Variants in PKD1 observed in about 807,000 individuals in gnomAD.
PKD1 encodes polycystin-1.
A neutral mutation model predicts 361.7 loss-of-function variants in PKD1; 81 were observed. The ratio of observed to expected loss-of-function variants is 0.22; its 90% confidence interval spans 0.19 to 0.27. The LOEUF is 0.27. Ranked by LOEUF, PKD1 falls within the 10% of genes least tolerant of loss-of-function variation. PKD1 has a pLI of 1.00. For missense variants in PKD1, 6,399 were observed against 6,118.3 expected, an observed-to-expected ratio of 1.05 and a Z score of -1.53; for synonymous variants, 3,615 against 2,818.3, an observed-to-expected ratio of 1.28 and a Z score of -8.95.
intron 1 of PKD1, among the ~76,000 whole-genome samples, chr16:2,124,778 C>G (rs968661856): frequency 9.8e-5 from 15 of 152,344 alleles, no homozygotes; most frequent in African/African-American, 3.4e-4. Context: ...CGCTGGCCGC[C>G]TCACTGGAAA....
Position 2,094,135 on chromosome 16 carries a change from G to T in PKD1, c.10575C>A (p.Gly3525=). ...RLGELGPPSP[G]LNWEQPQAAR... ...CTGCCTGGGGCTGTTCCCAGTTCAG[G>T]CCTGGGCTGGGTGGCCCCAGCTCCC... The change falls in exon 35 of 46, where the codon GGC becomes GGA. Residue 3525 remains glycine (G), a synonymous_variant. Coordinates refer to ENST00000262304, the MANE Select transcript of PKD1 (RefSeq NM_001009944.3). 6.3e-7 allele frequency: 1 copy of T among 1,596,680 alleles called. No individual in the cohort carries two copies. The highest frequency in any genetic ancestry group is 8.5e-7 in the Non-Finnish European group (1 of 1,171,686).
rs2091363958 is a variant in PKD1 at position 2,089,638 on chromosome 16, T to A, written c.*89A>T. ...CTGGGGAACCTACGTGCAGCCATTCTGCCTGGCCCTCGGCCTTGACAGCGG... is the reference window on the plus strand; with the variant it reads ...CTGGGGAACCTACGTGCAGCCATTCAGCCTGGCCCTCGGCCTTGACAGCGG... On this transcript the variant is annotated 3_prime_UTR_variant, in exon 46 of 46. Transcript: ENST00000262304. 1.4e-6 allele frequency: 2 copies of A among 1,478,924 alleles called. No individual in the cohort carries two copies. Among genetic ancestry groups the A allele is most frequent in the African/African-American group, 1.4e-5 (1 of 71,730 alleles). The allele number at this position is 1,478,924 out of a possible 1,614,324, so 91.6% of individuals were successfully genotyped here.
intron 1 of PKD1, among the ~76,000 whole-genome samples, chr16:2,124,479 G>A (rs951417532): frequency 3.3e-5 from 5 of 152,258 alleles, no homozygotes; most frequent in African/African-American, 9.6e-5. Flanking sequence ...AGGCGCTCCT[G>A]GGCCGGGGGA....
chr16:2,114,241 C>T lies in PKD1; in HGVS notation c.2782G>A (p.Ala928Thr). The change falls in exon 11 of 46, where the codon GCG (alanine) becomes ACG (threonine). Residue 928 changes from alanine (A) to threonine (T), a missense_variant. By Grantham distance (58) the Ala-to-Thr change is moderately conservative. Transcript: ENST00000262304. Reference sequence around the variant, plus strand: ...CGGAGGCCACAGATGGGCTCCTCCGCCGTCACCCGCAGGCTGAGGTTGGCC... The same window carrying T: ...CGGAGGCCACAGATGGGCTCCTCCGTCGTCACCCGCAGGCTGAGGTTGGCC... ...SRANLSLRVT[A>T]EEPICGLRAT... is the part of the protein sequence containing the mutation. 5 of 1,610,210 alleles carry T rather than the reference C, an allele frequency of 3.1e-6. No individual in the cohort carries two copies. Among genetic ancestry groups the T allele is most frequent in the Non-Finnish European group, 4.2e-6 (5 of 1,179,530 alleles).
chr16:2,089,887 C>T lies in PKD1; in HGVS notation c.12752G>A (p.Ser4251Asn), dbSNP rs1437510327. The T allele has an allele frequency of 6.2e-7, 1 of 1,610,920 alleles. No homozygotes were observed. Among genetic ancestry groups the T allele is most frequent in the Non-Finnish European group, 8.5e-7 (1 of 1,179,348 alleles). The change falls in exon 46 of 46, where the codon AGC (serine) becomes AAC (asparagine). Residue 4251 changes from serine (S) to asparagine (N), a missense_variant. By Grantham distance (46) the Ser-to-Asn change is conservative. Transcript: ENST00000262304. ...GGAAGATCCGGCGGGCGCCCGGCTGCTCCTGCGGCCTTGCAGGCTGTGCAG... is the reference window on the plus strand; with the variant it reads ...GGAAGATCCGGCGGGCGCCCGGCTGTTCCTGCGGCCTTGCAGGCTGTGCAG... The part of the protein sequence containing the change: ...QQLHSLQGRR[S>N]SRAPAGSSRG...
chr16:2,135,761 G>A lies in PKD1; in HGVS notation c.-72C>T. 1 of 958,520 alleles carries A rather than the reference G, an allele frequency of 1.0e-6. No individual in the cohort carries two copies. Among genetic ancestry groups the A allele is most frequent in the Non-Finnish European group, 1.2e-6 (1 of 808,382 alleles). 59.4% of individuals were successfully genotyped at this position (958,520 alleles called of 1,614,324 possible). A position where few individuals can be genotyped will look rare whatever the true frequency, so the allele number is the denominator to read the frequency against. ...CGCGCGGAGGCCGCAGCTCAGGCGG[G>A]GCCCGCGGACGGCATGGCGGGCGCG... On this transcript the variant is annotated 5_prime_UTR_variant, in exon 1 of 46. Transcript: ENST00000262304.
intron 1 of PKD1, among the ~76,000 whole-genome samples, chr16:2,120,594 C>T (rs2092705259): frequency 6.6e-6 from 1 of 152,108 alleles, no homozygotes; most frequent in Non-Finnish European, 1.5e-5. Context: ...TCCAGCTACT[C>T]GGGGGGCTGA....
Position 2,107,910 on chromosome 16 carries a change from G to A in PKD1, c.7038C>T (p.Gly2346=). Residue 2346 remains glycine (G), a synonymous_variant, in exon 16 of 46, where the codon GGC becomes GGT. Transcript: ENST00000262304. ...TCTGGTTGGTGGCCTCCTCCTTGCG[G>A]CCGGCCTTCCACACGGTCAGGCTGA... ...YTFSLTVWKA[G]RKEEATNQTV... is the part of the protein sequence containing the mutation. 6.5e-7 allele frequency: 1 copy of A among 1,545,174 alleles called. No individual in the cohort carries two copies. Among genetic ancestry groups the A allele is most frequent in the South Asian group, 1.2e-5 (1 of 83,974 alleles).
rs1287282730 is a variant in PKD1 at position 2,110,917 on chromosome 16, C to T, written c.4250G>A (p.Gly1417Asp). ...PFPYRYTWDF[G>D]TEEAAPTRAR... The stretch of plus-strand genomic sequence containing the variant: ...ACGGGTGGGGGCGGCTTCCTCGGTG[C>T]CAAAGTCCCAGGTGTAGCGGTAGGG... Residue 1417 changes from glycine (G) to aspartate (D), a missense_variant, in exon 15 of 46, where the codon GGC becomes GAC. Gly to Asp is a moderately conservative substitution (Grantham distance 94, BLOSUM62 -1). Coordinates refer to ENST00000262304, the MANE Select transcript of PKD1 (RefSeq NM_001009944.3). The T allele has an allele frequency of 6.2e-7, 1 of 1,611,282 alleles. No individual in the cohort carries two copies. The highest frequency in any genetic ancestry group is 2.2e-5 in the East Asian group (1 of 44,882).
intron 13 of PKD1, 53 bp downstream of exon 13, chr16:2,112,735 G>T (rs150105509): frequency 2.6e-6 from 4 of 1,565,992 alleles, no homozygotes; most frequent in Middle Eastern, 4.6e-4. Context: ...GCTGAGGCTG[G>T]GGCTGGGACA....
rs899401002 is a variant in PKD1, at chr16:2,092,721, G to A, written c.11157-129C>T. 3 of 849,770 alleles carry A rather than the reference G, an allele frequency of 3.5e-6. No homozygotes were observed. The South Asian group carries it at 4.3e-5, about 12-fold the overall frequency. The allele number at this position is 849,770 out of a possible 1,614,324, so 52.6% of individuals were successfully genotyped here. On this transcript the variant is annotated intron_variant, in intron 38 of 45. Transcript: ENST00000262304. Reference sequence around the variant, plus strand: ...GCCACGGCTAGACCTGGGCTTCTCAGCCTTATCCTGGGGATGTTCTGGGGC... The same window carrying A: ...GCCACGGCTAGACCTGGGCTTCTCAACCTTATCCTGGGGATGTTCTGGGGC...
At chr16:2,124,763 G>A (rs1218553010) in intron 1 of PKD1, among the ~76,000 whole-genome samples, 8 of 152,236 alleles carry the variant, frequency 5.3e-5, no homozygotes, top group East Asian at 1.9e-4. Flanking sequence ...CGGCACCCCC[G>A]CCCGCGCTGG....
At position 2,102,620 on chromosome 16, in the gene PKD1, C is replaced by G. The variant is rs147178192; in HGVS notation, c.8962G>C (p.Ala2988Pro). ...GAGAGGTTCAGATGGTAACTCCCCGCTGGGTCTCTGCTCCTGGGCAGGGAA... is the reference window on the plus strand; with the variant it reads ...GAGAGGTTCAGATGGTAACTCCCCGGTGGGTCTCTGCTCCTGGGCAGGGAA... The part of the protein sequence containing the change: ...FFISPGSRDP[A>P]GSYHLNLSSH... The change falls in exon 25 of 46, where the codon GCG (alanine) becomes CCG (proline). Residue 2988 changes from alanine (A) to proline (P), a missense_variant. Ala to Pro is a conservative substitution (Grantham distance 27). Transcript: ENST00000262304. 1 of 1,610,922 alleles carries G rather than the reference C, an allele frequency of 6.2e-7. No homozygotes were observed. Among genetic ancestry groups the G allele is most frequent in the Non-Finnish European group, 8.5e-7 (1 of 1,179,810 alleles).
chr16:2,113,650 C>T (rs2092576241), intron 11 of PKD1: 1 of 412,090 alleles, frequency 2.4e-6, no homozygotes, highest in Non-Finnish European at 4.5e-6. Flanking sequence ...TGAGGGGAGG[C>T]ACCTACACTG....
Position 2,089,935 on chromosome 16 carries a change from T to G in PKD1, c.12704A>C (p.Asp4235Ala). 6.2e-7 allele frequency: 1 copy of G among 1,612,212 alleles called. No homozygotes were observed. The highest frequency in any genetic ancestry group is 8.5e-7 in the Non-Finnish European group (1 of 1,179,768). The change falls in exon 46 of 46, where the codon GAC becomes GCC. Residue 4235 changes from aspartate (D) to alanine (A), a missense_variant. Coordinates refer to ENST00000262304, the MANE Select transcript of PKD1 (RefSeq NM_001009944.3). ...CAGCTGCTGCTCCAGCTGGTAGACGTCCTCTGTGGCCTGGTTGAGTCGGTC... is the reference window on the plus strand; with the variant it reads ...CAGCTGCTGCTCCAGCTGGTAGACGGCCTCTGTGGCCTGGTTGAGTCGGTC... ...QFDRLNQATE[D>A]VYQLEQQLHS...
chr16:2,095,468 A>G (rs978670192), intron 34 of PKD1: 4 of 152,218 alleles, frequency 2.6e-5, no homozygotes, highest in African/African-American at 9.6e-5. Flanking sequence ...TAGCAACACA[A>G]ATGACTCAGG....
At chr16:2,126,568 G>A (rs1242140755) in intron 1 of PKD1, among the ~76,000 whole-genome samples, 4 of 152,286 alleles carry the variant, frequency 2.6e-5, no homozygotes, top group African/African-American at 4.8e-5. Context: ...TTTTCCAGCT[G>A]CGCTCACTCT....
Position 2,108,280 on chromosome 16 carries a change from A to C in PKD1, c.6887T>G (p.Phe2296Cys). Reference sequence around the variant, plus strand: ...TGTCGAAGCCACACAGGCCCAGTGGAAACTGAGCGGCGTCTGGTCGCCGTC... The same window carrying C: ...TGTCGAAGCCACACAGGCCCAGTGGCAACTGAGCGGCGTCTGGTCGCCGTC... Reference protein sequence around the residue: ...LEDGDQTPLSFHWACVASTQR... With the variant: ...LEDGDQTPLSCHWACVASTQR... The change falls in exon 15 of 46, where the codon TTC becomes TGC. Residue 2296 changes from phenylalanine (F) to cysteine (C), a missense_variant. Coordinates refer to ENST00000262304, the MANE Select transcript of PKD1 (RefSeq NM_001009944.3). 6.2e-7 allele frequency: 1 copy of C among 1,602,318 alleles called. No individual in the cohort carries two copies. Among genetic ancestry groups the C allele is most frequent in the Non-Finnish European group, 8.5e-7 (1 of 1,173,688 alleles).
At position 2,088,863 on chromosome 16, in the gene PKD1, A is replaced by ACT; in HGVS notation, c.*862_*863dup. ...TGAGGCTGCCTGGGCCATACAGCAC[A>ACT]CTCGCGCGTGCGCGCGCGCACACAC... On this transcript the variant is annotated 3_prime_UTR_variant, in exon 46 of 46. Transcript: ENST00000262304. 1.8e-6 allele frequency: 1 copy of ACT among 542,326 alleles called. No individual in the cohort carries two copies. Among genetic ancestry groups the ACT allele is most frequent in the Admixed American group, 3.3e-5 (1 of 30,536 alleles). The allele number at this position is 542,326 out of a possible 1,614,324, so 33.6% of individuals were successfully genotyped here.
Sources: gnomAD v4.1 joint callset for allele counts (sites outside exome capture counted in the v4.1 genomes callset) on GRCh38, gnomAD v4.1.1 for gene constraint, MANE v1.5 for transcripts, NCBI Gene and HGNC (gene_info 2026-07-23, HGNC 2026-07-21) for gene names.